Variants in USH2A observed in about 807,000 individuals in gnomAD.
USH2A encodes the protein Usher syndrome 2A (autosomal recessive, mild).
USH2A carries 443 observed loss-of-function variants against 538.9 expected under a neutral mutation model. The ratio of observed to expected loss-of-function variants is 0.82; its 90% CI spans 0.76 to 0.89. USH2A has a LOEUF of 0.89. Among genes scored for constraint, USH2A ranks in the 40% least tolerant of loss-of-function variants. The probability of loss-of-function intolerance (pLI) is 0.00; values close to 1 mark genes in which losing one functional copy is unlikely to be tolerated. For synonymous variants in USH2A, 2,413 were observed against 2,273.5 expected (o/e 1.06, Z -1.75); for missense variants, 6,633 against 6,324.8 (o/e 1.05, Z -1.65).
intron 32 of USH2A, among the ~76,000 whole-genome samples, chr1:216,045,930 G>A (rs72744695): frequency 0.063 from 9,501 of 151,998 alleles, 423 homozygotes; most frequent in Non-Finnish European, 0.094. Flanking sequence ...TACAATTGGA[G>A]TGATTAACAG....
chr1:216,116,232 C>T (rs529855599), intron 21 of USH2A, among the ~76,000 whole-genome samples: 104 of 151,830 alleles, frequency 6.8e-4, no homozygotes, highest in African/African-American at 2.4e-3. Context: ...TGTAATTGCA[C>T]GTTTACATAT....
At chr1:215,946,517 C>A (rs1393757781) in intron 37 of USH2A, among the ~76,000 whole-genome samples, 1 of 152,120 alleles carries the variant, frequency 6.6e-6, no homozygotes, top group Non-Finnish European at 1.5e-5. Context: ...GCCAACCAGC[C>A]GAGCAGCTGA....
intron 47 of USH2A, among the ~76,000 whole-genome samples, chr1:215,831,018 G>A (rs1298426179): frequency 2.6e-5 from 4 of 152,002 alleles, no homozygotes; most frequent in East Asian, 3.9e-4. Context: ...GGAATCAATC[G>A]AAAAATCACC....
At chr1:216,294,571 T>C (rs1233129730) in intron 9 of USH2A, among the ~76,000 whole-genome samples, 1 of 151,792 alleles carries the variant, frequency 6.6e-6, no homozygotes, top group African/African-American at 2.4e-5. Flanking sequence ...AGTGGATATA[T>C]ATCTAAGTAT....
At chr1:216,063,100 G>C (rs2031236934) in intron 30 of USH2A, among the ~76,000 whole-genome samples, 1 of 152,102 alleles carries the variant, frequency 6.6e-6, no homozygotes, top group African/African-American at 2.4e-5. Flanking sequence ...TGCTAAATAA[G>C]GGTTATTTTC....
At chr1:215,648,047 T>C (rs1374624887) in intron 66 of USH2A, among the ~76,000 whole-genome samples, 1 of 152,244 alleles carries the variant, frequency 6.6e-6, no homozygotes, top group Non-Finnish European at 1.5e-5. Context: ...TAAATGGTTC[T>C]TCTCTTTTTA....
intron 34 of USH2A, among the ~76,000 whole-genome samples, chr1:215,994,916 C>G (rs1668098002): frequency 6.6e-6 from 1 of 151,990 alleles, no homozygotes; most frequent in African/African-American, 2.4e-5. Context: ...GAAAAATGGT[C>G]AAAGACAAAT....
At chr1:216,223,341 A>G (rs1468950900) in intron 14 of USH2A, among the ~76,000 whole-genome samples, 1 of 152,186 alleles carries the variant, frequency 6.6e-6, no homozygotes, top group East Asian at 1.9e-4. Context: ...ATCATATATC[A>G]TCTATACTAA....
intron 49 of USH2A, among the ~76,000 whole-genome samples, chr1:215,802,601 C>T (rs1355741189): frequency 1.3e-5 from 2 of 151,932 alleles, no homozygotes; most frequent in African/African-American, 4.8e-5. Flanking sequence ...TTATAAAAAA[C>T]ATAAAATAAT....
chr1:215,990,081 C>A (rs1667968920), intron 35 of USH2A, among the ~76,000 whole-genome samples: 1 of 152,100 alleles, frequency 6.6e-6, no homozygotes, highest in African/African-American at 2.4e-5. Context: ...ATCTTATTCT[C>A]CAATTGTATT....
At chr1:215,863,213 C>T (rs1297555092) in intron 44 of USH2A, among the ~76,000 whole-genome samples, 1 of 152,042 alleles carries the variant, frequency 6.6e-6, no homozygotes, top group African/African-American at 2.4e-5. Flanking sequence ...TAACTAATGA[C>T]TTTAAGAAAA....
At chr1:215,881,545 T>A (rs1199220605) in intron 41 of USH2A, among the ~76,000 whole-genome samples, 1 of 152,220 alleles carries the variant, frequency 6.6e-6, no homozygotes, top group Non-Finnish European at 1.5e-5. Flanking sequence ...ATATATGAGA[T>A]TAAAACTTTC....
chr1:216,066,252 C>T (rs933314227), intron 30 of USH2A, among the ~76,000 whole-genome samples: 3 of 151,804 alleles, frequency 2.0e-5, no homozygotes, highest in East Asian at 3.9e-4. Context: ...GGGTGAATCA[C>T]GAGGTCAGGA....
At chr1:216,013,259 CA>C (rs1668621392) in intron 32 of USH2A, among the ~76,000 whole-genome samples, 1 of 148,774 alleles carries the variant, frequency 6.7e-6, no homozygotes, top group Admixed American at 6.7e-5. Context: ...AACAACCCCA[CA>C]ATATCACCCC....
intron 55 of USH2A, among the ~76,000 whole-genome samples, chr1:215,775,269 C>T (rs1661430388): frequency 6.6e-6 from 1 of 152,250 alleles, no homozygotes. Flanking sequence ...TGCTCTGCTT[C>T]CATTGTCTTG....
intron 13 of USH2A, among the ~76,000 whole-genome samples, chr1:216,245,828 G>C (rs923888225): frequency 7.2e-5 from 11 of 152,240 alleles, no homozygotes; most frequent in Middle Eastern, 3.4e-3. Context: ...TCACACTTTT[G>C]AGTTGGTATC....
intron 47 of USH2A, among the ~76,000 whole-genome samples, chr1:215,826,268 C>A (rs1336026758): frequency 6.6e-6 from 1 of 152,238 alleles, no homozygotes; most frequent in South Asian, 2.1e-4. Flanking sequence ...ATGTTCTGCT[C>A]TTTTGGCACC....
chr1:216,121,419 T>A (rs2033137436), intron 21 of USH2A, among the ~76,000 whole-genome samples: 1 of 152,124 alleles, frequency 6.6e-6, no homozygotes, highest in Non-Finnish European at 1.5e-5. Context: ...TTCTTTTTTT[T>A]AAACAGCTAA....
At chr1:216,139,210 T>C (rs939646818) in intron 21 of USH2A, among the ~76,000 whole-genome samples, 62 of 152,240 alleles carry the variant, frequency 4.1e-4, no homozygotes, top group East Asian at 1.2e-3. Context: ...GGGAATTCCA[T>C]CTTCCACATT....
Sources: gnomAD v4.1 joint callset for allele counts (sites outside exome capture counted in the v4.1 genomes callset) on GRCh38, gnomAD v4.1.1 for gene constraint, MANE v1.5 for transcripts, NCBI Gene and HGNC (gene_info 2026-07-23, HGNC 2026-07-21) for gene names.